RNPC3: variants seen among roughly 807,000 people sequenced by gnomAD.
RNPC3 encodes the protein RNA-binding region-containing protein 3.
RNPC3 carries 48 observed loss-of-function variants against 67.5 expected under a neutral mutation model. The ratio of observed to expected loss-of-function variants is 0.71; its 90% CI spans 0.56 to 0.90. The LOEUF is 0.90. Among genes scored for constraint, RNPC3 ranks in the 40% least tolerant of loss-of-function variants. The pLI is 0.00. For missense variants in RNPC3, 637 were observed against 626.1 expected (o/e 1.02, Z -0.19); for synonymous variants, 239 against 210.3 (o/e 1.14, Z -1.18).
At position 103,525,956 on chromosome 1, in the gene RNPC3, G is replaced by C; in HGVS notation, c.-115G>C. The C allele has an allele frequency of 1.2e-6, 1 of 823,382 alleles. No individual in the cohort carries two copies. The highest frequency in any genetic ancestry group is 1.8e-6 in the Non-Finnish European group (1 of 544,712). The allele number at this position is 823,382 out of a possible 1,614,324, so 51.0% of individuals were successfully genotyped here. ...GTGACTTTCTTTCTCGGTATTTCCT[G>C]GTTTCCAGAATCCTTAGCGCGAGGC... is the stretch of plus-strand genomic sequence containing the variant. On this transcript the variant is annotated 5_prime_UTR_variant, in exon 1 of 15. Transcript: ENST00000423855.
chr1:103,528,683 A>G (rs758485460), intron 2 of RNPC3, among the ~76,000 whole-genome samples: 7 of 152,156 alleles, frequency 4.6e-5, no homozygotes, highest in Non-Finnish European at 7.4e-5. Flanking sequence ...GGAAATATTT[A>G]AAAATATTAA....
chr1:103,526,128 C>T lies in RNPC3; in HGVS notation c.58C>T (p.Leu20Phe). Residue 20 changes from leucine (L) to phenylalanine (F), a missense_variant, in exon 1 of 15, where the codon CTT (leucine) becomes TTT (phenylalanine). This residue lies in a region of RNPC3 where 536 missense variants were observed against 500.3 expected (regional missense o/e 1.07). Transcript: ENST00000423855. ...ISRGCTSSSS[L>F]SPPRGDRTLL... ...AAGGGGATGCACGAGCTCCTCCTCG[C>T]TTTCCCCGCCTCGGGGCGACCGAAC... 1.9e-6 allele frequency: 3 copies of T among 1,551,248 alleles called. No homozygotes were observed. Among genetic ancestry groups the T allele is most frequent in the East Asian group, 2.4e-5 (1 of 40,862 alleles).
chr1:103,529,644 A>G (rs148265838), intron 2 of RNPC3, among the ~76,000 whole-genome samples: 4,647 of 152,344 alleles, frequency 0.031, 250 homozygotes, highest in African/African-American at 0.11. Context: ...GTCAGGTTAG[A>G]TGACCTTCAT....
intron 3 of RNPC3, 104 bp from the exon 4 acceptor site, chr1:103,534,670 A>C: frequency 1.6e-6 from 1 of 607,460 alleles, no homozygotes; most frequent in Non-Finnish European, 2.8e-6. Flanking sequence ...TTTTTAATGA[A>C]GCTGTTTTTA....
chr1:103,537,341 G>A lies in RNPC3; in HGVS notation c.625-1G>A. ...TATTTTTGTTTTATTCTTTTAATTA[G>A]TATGAAGACTATATGCCATTGCATG... On this transcript the variant is annotated splice_acceptor_variant, in intron 6 of 14. Coordinates refer to ENST00000423855, the MANE Select transcript of RNPC3 (RefSeq NM_017619.4). LOFTEE classifies it high-confidence loss of function. 6.5e-7 allele frequency: 1 copy of A among 1,528,760 alleles called. No homozygotes were observed. The highest frequency in any genetic ancestry group is 8.7e-7 in the Non-Finnish European group (1 of 1,143,734). 94.7% of individuals were successfully genotyped at this position (1,528,760 alleles called of 1,614,324 possible). A position where few individuals can be genotyped will look rare whatever the true frequency, so the allele number is the denominator to read the frequency against.
intron 2 of RNPC3, 74 bp from the exon 3 acceptor site, chr1:103,533,662 AAAG>A (rs1433897516): frequency 2.6e-6 from 2 of 772,008 alleles, no homozygotes; most frequent in African/African-American, 3.6e-5. Flanking sequence ...AAAAAAAAAA[AAAG>A]TATAAAAATT....
intron 1 of RNPC3, among the ~76,000 whole-genome samples, chr1:103,527,053 G>A (rs778872088): frequency 1.3e-5 from 2 of 151,954 alleles, no homozygotes; most frequent in Non-Finnish European, 2.9e-5. Flanking sequence ...CTCAATTTAA[G>A]TACATCAGGT....
chr1:103,551,595 G>A, intron 13 of RNPC3, 126 bp from the exon 14 acceptor site: 1 of 556,980 alleles, frequency 1.8e-6, no homozygotes, highest in Non-Finnish European at 3.2e-6. Flanking sequence ...GTCATGAAGA[G>A]AGGCAGGAGG....
In RNPC3 at chr1:103,526,274, C is replaced by G; in HGVS notation, c.192+12C>G. On this transcript the variant is annotated intron_variant, in intron 1 of 14. Coordinates refer to ENST00000423855, the MANE Select transcript of RNPC3 (RefSeq NM_017619.4). ...ATAAGGGGCGACTGGTAAGGGCGCG[C>G]CCCTCCGGAGTCTCCCGGGAAGGCA... The G allele has an allele frequency of 6.6e-7, 1 of 1,525,422 alleles. No homozygotes were observed. The highest frequency in any genetic ancestry group is 8.8e-7 in the Non-Finnish European group (1 of 1,131,018). 94.5% of individuals were successfully genotyped at this position (1,525,422 alleles called of 1,614,324 possible).
At chr1:103,547,560 C>A (rs7414754) in intron 12 of RNPC3, among the ~76,000 whole-genome samples, 152,142 of 152,314 alleles carry the variant, frequency 1, 75,986 homozygotes, top group Middle Eastern at 1. Context: ...GATGATGCTG[C>A]AGCTTCTGAT....
chr1:103,540,636 C>T (rs1224669804), intron 7 of RNPC3, among the ~76,000 whole-genome samples: 3 of 152,168 alleles, frequency 2.0e-5, no homozygotes, highest in African/African-American at 7.2e-5. Flanking sequence ...TGCCCTCCTT[C>T]CTCTCTTTTG....
In RNPC3 at chr1:103,550,821, C is replaced by T. The variant is rs951890213; in HGVS notation, c.1362-120C>T. The stretch of plus-strand genomic sequence containing the variant: ...TATTTTTAGAAAACTGAATAATTGA[C>T]GTGCCTATCAAATAGTGTAGTCACT... On this transcript the variant is annotated intron_variant, in intron 12 of 14. Transcript: ENST00000423855. 15 of 881,450 alleles carry T rather than the reference C, an allele frequency of 1.7e-5. No homozygotes were observed. The Admixed American group carries it at 2.1e-4, about 12-fold the overall frequency. The allele number at this position is 881,450 out of a possible 1,614,324, so 54.6% of individuals were successfully genotyped here. A position where few individuals can be genotyped will look rare whatever the true frequency, so the allele number is the denominator to read the frequency against.
At chr1:103,530,806 A>T (rs1650830794) in intron 2 of RNPC3, among the ~76,000 whole-genome samples, 1 of 152,062 alleles carries the variant, frequency 6.6e-6, no homozygotes, top group Admixed American at 6.6e-5. Context: ...CGGTGATTAG[A>T]TTCTTTATAT....
chr1:103,547,463 A>G (rs958028808), intron 12 of RNPC3, among the ~76,000 whole-genome samples: 2 of 152,152 alleles, frequency 1.3e-5, no homozygotes, highest in African/African-American at 4.8e-5. Flanking sequence ...AAGCCTGGCA[A>G]AACAGTTTTC....
chr1:103,542,108 T>C lies in RNPC3; in HGVS notation c.893+633T>C, dbSNP rs564884409. ...CTTTTCAAACAGTGAGTTAATAGTC[T>C]TAAGTATAATAAGCCAAATGCACAG... On this transcript the variant is annotated intron_variant, in intron 8 of 14. Transcript: ENST00000423855. 1.4e-4 allele frequency among the ~76,000 whole-genome samples: 22 copies of C among 152,180 alleles called. 1 individual carries two copies. The highest frequency in any genetic ancestry group is 8.5e-4 in the Admixed American group (13 of 15,290).
chr1:103,538,561 T>C (rs1349959733), intron 7 of RNPC3, among the ~76,000 whole-genome samples: 1 of 152,178 alleles, frequency 6.6e-6, no homozygotes, highest in Non-Finnish European at 1.5e-5. Flanking sequence ...TCAAACAAGG[T>C]AATGTATTGA....
chr1:103,530,668 A>G (rs557620888), intron 2 of RNPC3, among the ~76,000 whole-genome samples: 1 of 152,306 alleles, frequency 6.6e-6, no homozygotes, highest in African/African-American at 2.4e-5. Context: ...TTGGTATTTC[A>G]AAGAATTGCT....
intron 10 of RNPC3, 109 bp downstream of exon 10, chr1:103,545,211 T>C (rs1367224496): frequency 2.5e-6 from 2 of 806,630 alleles, no homozygotes; most frequent in African/African-American, 1.8e-5. Context: ...GCACATACTT[T>C]AAAACATCTC....
chr1:103,553,365 T>G (rs1651446921), intron 14 of RNPC3: 1 of 152,216 alleles, frequency 6.6e-6, no homozygotes, highest in Non-Finnish European at 1.5e-5. Context: ...TTTTTGTTTT[T>G]TTCCTAGAAA....
Sources: gnomAD v4.1 joint callset for allele counts (sites outside exome capture counted in the v4.1 genomes callset) on GRCh38, gnomAD v4.1.1 for gene constraint, gnomAD v4.1.1 regional missense constraint, MANE v1.5 for transcripts, NCBI Gene and HGNC (gene_info 2026-07-23, HGNC 2026-07-21) for gene names.